Variants in DNAH5 observed in about 807,000 individuals in gnomAD.
DNAH5 encodes dynein axonemal heavy chain 5.
DNAH5 carries 372 observed loss-of-function variants against 518.2 expected under a neutral mutation model. That is an observed-to-expected ratio of 0.72 (90% CI 0.66 to 0.78). The LOEUF (loss-of-function observed/expected upper bound fraction) is 0.78. DNAH5 is among the 30% of genes least tolerant of loss of function. The pLI is 0.00. For synonymous variants in DNAH5, 2,039 were observed against 2,025.9 expected (o/e 1.01, Z -0.17); for missense variants, 5,523 against 5,687.0 (o/e 0.97, Z 0.93).
chr5:13,768,393 G>C (rs1561208572), intron 58 of DNAH5, among the ~76,000 whole-genome samples: 1 of 152,158 alleles, frequency 6.6e-6, no homozygotes, highest in Non-Finnish European at 1.5e-5. Flanking sequence ...CAGCCATGCG[G>C]AACTCTGAGT....
chr5:13,843,682 G>A lies in DNAH5; in HGVS notation c.5271+1155C>T, dbSNP rs566418157. Among the ~76,000 whole-genome samples, 43 of 152,086 alleles carry A rather than the reference G, an allele frequency of 2.8e-4. 1 individual carries two copies. Among genetic ancestry groups the A allele is most frequent in the African/African-American group, 7.2e-4 (30 of 41,478 alleles). On this transcript the variant is annotated intron_variant, in intron 32 of 78. Transcript: ENST00000265104. ...TCCTGGGCTTCCCACACTTCCGAGCGCCCACACCTCCCTTGCACATGCTCT... is the reference window on the plus strand; with the variant it reads ...TCCTGGGCTTCCCACACTTCCGAGCACCCACACCTCCCTTGCACATGCTCT...
intron 15 of DNAH5, chr5:13,898,773 A>G (rs978741276): frequency 3.3e-4 from 131 of 395,746 alleles, no homozygotes; most frequent in African/African-American, 2.5e-3. Context: ...CGTGATGTTA[A>G]CCACTATGAA....
intron 41 of DNAH5, among the ~76,000 whole-genome samples, chr5:13,819,314 T>A (rs939829490): frequency 6.6e-6 from 1 of 152,196 alleles, no homozygotes; most frequent in Non-Finnish European, 1.5e-5. Flanking sequence ...AGATGTTAGC[T>A]GAGAACACAC....
chr5:13,814,111 T>G (rs564920651), intron 43 of DNAH5, among the ~76,000 whole-genome samples: 1 of 152,202 alleles, frequency 6.6e-6, no homozygotes, highest in Non-Finnish European at 1.5e-5. Context: ...TATGAATTGA[T>G]GAGATGTTAT....
Position 13,824,244 on chromosome 5 carries a change from G to A in DNAH5, c.6534C>T (p.Ser2178=). ...CCCGTAGTACACGCATGACAATCGT[G>A]GACTCCGTATCCATTGGATTGGCTC... ...AKRANPMDTE[S]TIVMRVLRDM... Residue 2178 remains serine (S), a synonymous_variant, in exon 39 of 79, where the codon TCC becomes TCT. Coordinates refer to ENST00000265104, the MANE Select transcript of DNAH5 (RefSeq NM_001369.3). 1 of 1,614,050 alleles carries A rather than the reference G, an allele frequency of 6.2e-7. No homozygotes were observed. The highest frequency in any genetic ancestry group is 8.5e-7 in the Non-Finnish European group (1 of 1,179,960).
chr5:13,759,623 A>G (rs983522836), intron 60 of DNAH5, among the ~76,000 whole-genome samples: 6 of 152,210 alleles, frequency 3.9e-5, no homozygotes, highest in African/African-American at 1.4e-4. Context: ...AGCGTATTTG[A>G]TACCTTGAGC....
chr5:13,816,554 G>GAAA (rs758831831), intron 42 of DNAH5, among the ~76,000 whole-genome samples: 2 of 113,658 alleles, frequency 1.8e-5, no homozygotes, highest in Non-Finnish European at 1.8e-5. Context: ...GTGGAAAGGG[G>GAAA]AAAAAAAAAA....
intron 65 of DNAH5, among the ~76,000 whole-genome samples, chr5:13,739,058 C>T (rs6870461): frequency 0.48 from 72,198 of 151,728 alleles, 17,448 homozygotes; most frequent in East Asian, 0.53. Flanking sequence ...TTTGACAGTG[C>T]GTTTGACAGT....
At chr5:13,967,518 C>T (rs1781604295) in intron 1 of DNAH5, among the ~76,000 whole-genome samples, 1 of 152,194 alleles carries the variant, frequency 6.6e-6, no homozygotes, top group South Asian at 2.1e-4. Context: ...GTTCTCTATT[C>T]TGTTCCATTG....
In DNAH5 at chr5:13,700,891, A is replaced by G. The variant is rs774440278; in HGVS notation, c.13492-20T>C. On this transcript the variant is annotated intron_variant, in intron 77 of 78. Transcript: ENST00000265104. ...TATTTCCTATTCAGGGCAGCAAAAG[A>G]TGAATGGAGCGGTTAGAGGTTTGTC... is the stretch of plus-strand genomic sequence containing the variant. 1.9e-6 allele frequency: 3 copies of G among 1,611,222 alleles called. No individual in the cohort carries two copies. Among genetic ancestry groups the G allele is most frequent in the Non-Finnish European group, 2.5e-6 (3 of 1,177,320 alleles).
At position 13,871,667 on chromosome 5, in the gene DNAH5, C is replaced by T. The variant is rs377125748; in HGVS notation, c.3495G>A (p.Leu1165=). ...AIKTFITQSP[L]LSEFESQILY... The stretch of plus-strand genomic sequence containing the variant: ...GAATCTGGGACTCAAATTCAGAAAG[C>T]AAGGGGCTCTGTGTAATAAATGTCT... The change falls in exon 23 of 79, where the codon TTG becomes TTA. Residue 1165 remains leucine, a synonymous_variant. Coordinates refer to ENST00000265104, the MANE Select transcript of DNAH5 (RefSeq NM_001369.3). 3.1e-6 allele frequency: 5 copies of T among 1,613,680 alleles called. No homozygotes were observed. The African/African-American group carries it at 5.3e-5, about 17-fold the overall frequency.
At chr5:13,799,215 C>CCA (rs397996834) in intron 47 of DNAH5, among the ~76,000 whole-genome samples, 4 of 148,532 alleles carry the variant, frequency 2.7e-5, no homozygotes, top group African/African-American at 4.9e-5. Flanking sequence ...TACCCCCCCC[C>CCA]ACAAAAATGC....
intron 46 of DNAH5, 106 bp downstream of exon 46, chr5:13,808,938 C>G (rs973100354): frequency 3.2e-5 from 45 of 1,407,870 alleles, no homozygotes; most frequent in Non-Finnish European, 4.0e-5. Flanking sequence ...CCAGCCTGGG[C>G]GACAGAGTGA....
At chr5:13,861,683 A>G (rs6898342) in intron 29 of DNAH5, among the ~76,000 whole-genome samples, 59,622 of 151,724 alleles carry the variant, frequency 0.39, 11,809 homozygotes, top group South Asian at 0.47. Context: ...GTGGACAGGC[A>G]CAGTGGCTCA....
chr5:13,909,048 C>T (rs909380441), intron 12 of DNAH5, among the ~76,000 whole-genome samples: 3 of 152,138 alleles, frequency 2.0e-5, no homozygotes, highest in East Asian at 1.9e-4. Context: ...CAAAGAAAAA[C>T]TCATTGGCAA....
chr5:13,919,281 C>T lies in DNAH5; in HGVS notation c.870G>A (p.Trp290Ter), dbSNP rs916132038. ...DVGPRAELEH[W>*]KKRLSKFNYL... is the part of the protein sequence containing the mutation. The stretch of plus-strand genomic sequence containing the variant: ...AGTTAAACTTGGAGAGTCTTTTTTT[C>T]CAGTGCTCCAGCTCCGCTCGTGGCC... The change falls in exon 7 of 79, where the codon TGG becomes TGA. Residue 290 changes from tryptophan (W) to a stop codon, truncating the protein, a stop_gained. Transcript: ENST00000265104. LOFTEE classifies it high-confidence loss of function. 1.2e-6 allele frequency: 2 copies of T among 1,614,004 alleles called. No homozygotes were observed. Among genetic ancestry groups the T allele is most frequent in the African/African-American group, 2.7e-5 (2 of 74,922 alleles).
chr5:13,758,920 C>T lies in DNAH5; in HGVS notation c.10345G>A (p.Ala3449Thr). ...TCCGCCTGCTTGTCATCCAACTCGG[C>T]CTGGGCTTTCTGCAGATCCTGCATG... ...LAMQDLQKAQ[A>T]ELDDKQAELD... Residue 3449 changes from alanine to threonine, a missense_variant, in exon 61 of 79, where the codon GCC (alanine) becomes ACC (threonine). This residue lies in a region of DNAH5 where 5,121 missense variants were observed against 5,223.3 expected (regional missense o/e 0.98). Transcript: ENST00000265104. The T allele has an allele frequency of 6.2e-7, 1 of 1,614,166 alleles. No homozygotes were observed. Among genetic ancestry groups the T allele is most frequent in the African/African-American group, 1.3e-5 (1 of 75,054 alleles).
In DNAH5 at chr5:13,811,549, T is replaced by G. The variant is rs534704899; in HGVS notation, c.7407+98A>C. On this transcript the variant is annotated intron_variant, in intron 44 of 78. Transcript: ENST00000265104. ...AATTTCAAATATAGTACTCTCTGTA[T>G]AGCATGGCTACATTAATAAGAGAGA... The G allele has an allele frequency of 2.5e-5, 30 of 1,203,674 alleles. No individual in the cohort carries two copies. In the African/African-American group the frequency reaches 4.1e-4, roughly 16 times the overall value. 74.6% of individuals were successfully genotyped at this position (1,203,674 alleles called of 1,614,324 possible).
intron 72 of DNAH5, 121 bp downstream of exon 72, chr5:13,718,761 T>G: frequency 1.2e-6 from 1 of 819,324 alleles, no homozygotes; most frequent in Non-Finnish European, 2.1e-6. Context: ...CACCTCCCCA[T>G]CAGGTTAAAC....
Sources: gnomAD v4.1 joint callset for allele counts (sites outside exome capture counted in the v4.1 genomes callset) on GRCh38, gnomAD v4.1.1 for gene constraint, gnomAD v4.1.1 regional missense constraint, MANE v1.5 for transcripts, NCBI Gene and HGNC (gene_info 2026-07-23, HGNC 2026-07-21) for gene names.